PLEKHA2: variants seen among roughly 807,000 people sequenced by gnomAD.
The protein encoded by PLEKHA2 is pleckstrin homology domain containing A2, also known as pleckstrin homology domain-containing family A member 2.
PLEKHA2 carries 28 observed loss-of-function variants against 53.2 expected under a neutral mutation model. The ratio of observed to expected loss-of-function variants is 0.53; its 90% CI spans 0.39 to 0.72. The LOEUF (loss-of-function observed/expected upper bound fraction) is 0.72, where lower values mean the gene tolerates loss of function less well. PLEKHA2 is among the 30% of genes least tolerant of loss of function. The pLI is 0.00. For missense variants in PLEKHA2, 426 were observed against 537.9 expected (o/e 0.79, Z 2.06); for synonymous variants, 193 against 196.4 (o/e 0.98, Z 0.14).
intron 8 of PLEKHA2, 102 bp downstream of exon 8, chr8:38,952,806 CAA>C (rs1044318056): frequency 8.6e-7 from 1 of 1,164,510 alleles, no homozygotes; most frequent in African/African-American, 1.5e-5. Context: ...TGTGGGCACA[CAA>C]AGACTTCAAA....
intron 3 of PLEKHA2, among the ~76,000 whole-genome samples, chr8:38,936,468 T>G (rs999163053): frequency 6.6e-6 from 1 of 152,212 alleles, no homozygotes; most frequent in Admixed American, 6.5e-5. Context: ...ACAAAAAATA[T>G]TGGGGCTTCA....
At chr8:38,934,161 T>A (rs1006581856) in intron 2 of PLEKHA2, among the ~76,000 whole-genome samples, 1 of 151,950 alleles carries the variant, frequency 6.6e-6, no homozygotes, top group Admixed American at 6.6e-5. Context: ...GAAGAAAATA[T>A]ATATATATAT....
rs1186908140 is a variant in PLEKHA2, at chr8:38,950,832, T to C, written c.346-18T>C. The C allele has an allele frequency of 6.2e-7, 1 of 1,608,110 alleles. No homozygotes were observed. Among genetic ancestry groups the C allele is most frequent in the Non-Finnish European group, 8.5e-7 (1 of 1,175,852 alleles). ...AAATGTTCTGTTCCCCATTGATTGT[T>C]GCTGCCGCTCACCCCAGGTTCCCAA... On this transcript the variant is annotated intron_variant, in intron 5 of 11. Transcript: ENST00000617275.
rs1030501905 is a variant in PLEKHA2, at chr8:38,933,016, A to C, written c.142-2978A>C. Among the ~76,000 whole-genome samples the C allele has an allele frequency of 7.9e-5, 12 of 152,224 alleles. 1 individual carries two copies. The highest frequency in any genetic ancestry group is 7.2e-4 in the Admixed American group (11 of 15,280). ...GGGAGGCCAGGACAGAGGGTGGAGC[A>C]GCCCTTGAGGGGCAGAGGGGATGAA... On this transcript the variant is annotated intron_variant, in intron 2 of 11. Coordinates refer to ENST00000617275, the MANE Select transcript of PLEKHA2 (RefSeq NM_021623.2).
chr8:38,917,620 G>T (rs1447095104), intron 1 of PLEKHA2, among the ~76,000 whole-genome samples: 1 of 152,192 alleles, frequency 6.6e-6, no homozygotes, highest in Non-Finnish European at 1.5e-5. Context: ...GAATTTGAAT[G>T]CAGGCCCCTG....
At chr8:38,929,041 A>G (rs957840609) in intron 2 of PLEKHA2, among the ~76,000 whole-genome samples, 25 of 152,262 alleles carry the variant, frequency 1.6e-4, no homozygotes, top group African/African-American at 4.8e-4. Flanking sequence ...CCTACATTCA[A>G]ATGTCTACTC....
In PLEKHA2 at chr8:38,918,242, G is replaced by A. The variant is rs1281167704; in HGVS notation, c.141+172G>A. 4.3e-5 allele frequency among the ~76,000 whole-genome samples: 6 copies of A among 138,782 alleles called. No individual in the cohort carries two copies. The South Asian group carries it at 7.0e-4, about 16-fold the overall frequency. The allele number at this position is 138,782 out of a possible 152,430, so 91.0% of individuals were successfully genotyped here. ...GACACACACACAAATGCACATTCAC[G>A]TGCACACACACCACACACACCCCAT... On this transcript the variant is annotated intron_variant, in intron 2 of 11. Coordinates refer to ENST00000617275, the MANE Select transcript of PLEKHA2 (RefSeq NM_021623.2).
intron 3 of PLEKHA2, among the ~76,000 whole-genome samples, chr8:38,943,000 GCGAGCAGCCTGCTGCTT>G (rs1172272583): frequency 6.6e-6 from 1 of 152,188 alleles, no homozygotes; most frequent in Non-Finnish European, 1.5e-5. Context: ...TCTGAGGGCA[GCGAGCAGCCTGCTGCTT>G]CATCTCTCTG....
intron 2 of PLEKHA2, among the ~76,000 whole-genome samples, chr8:38,932,765 T>G (rs1834417157): frequency 6.6e-6 from 1 of 152,186 alleles, no homozygotes; most frequent in African/African-American, 2.4e-5. Flanking sequence ...CTCCCATGTC[T>G]CCCATTTCCC....
chr8:38,906,703 C>T (rs1588230916), intron 1 of PLEKHA2, among the ~76,000 whole-genome samples: 1 of 152,202 alleles, frequency 6.6e-6, no homozygotes, highest in Non-Finnish European at 1.5e-5. Context: ...GTGGAGGCTT[C>T]CACACTTCCT....
chr8:38,968,493 T>C, intron 10 of PLEKHA2, 99 bp from the exon 11 acceptor site: 1 of 1,146,510 alleles, frequency 8.7e-7, no homozygotes, highest in South Asian at 1.3e-5. Context: ...TTTCTACCCC[T>C]AATGGTGTAA....
At chr8:38,955,263 C>T (rs772302160) in intron 9 of PLEKHA2, among the ~76,000 whole-genome samples, 14 of 152,146 alleles carry the variant, frequency 9.2e-5, no homozygotes, top group Non-Finnish European at 1.9e-4. Context: ...GATTTCCCAC[C>T]TGCTTTTCTT....
At chr8:38,934,948 T>A (rs1188699351) in intron 2 of PLEKHA2, among the ~76,000 whole-genome samples, 3 of 152,128 alleles carry the variant, frequency 2.0e-5, no homozygotes, top group African/African-American at 7.2e-5. Context: ...CTATAACAGC[T>A]CACACTTGCT....
At chr8:38,925,847 A>G (rs935458432) in intron 2 of PLEKHA2, among the ~76,000 whole-genome samples, 3 of 152,228 alleles carry the variant, frequency 2.0e-5, no homozygotes, top group Admixed American at 6.5e-5. Flanking sequence ...AAAACGTGAA[A>G]TTTTCCTAAG....
In PLEKHA2 at chr8:38,950,360, G is replaced by A. The variant is rs144455920; in HGVS notation, c.346-490G>A. On this transcript the variant is annotated intron_variant, in intron 5 of 11. Transcript: ENST00000617275. Reference sequence around the variant, plus strand: ...CCATCTCCTGCTTACCCTCCAGGTTGCCGTTTGAGTGTCTCCCTGCCTTCT... The same window carrying A: ...CCATCTCCTGCTTACCCTCCAGGTTACCGTTTGAGTGTCTCCCTGCCTTCT... Among the ~76,000 whole-genome samples the A allele has an allele frequency of 9.9e-5, 15 of 152,268 alleles. No individual in the cohort carries two copies. The East Asian group carries it at 2.1e-3, about 22-fold the overall frequency.
rs1834217704 is a variant in PLEKHA2, at chr8:38,922,885, G to A, written c.141+4815G>A. Among the ~76,000 whole-genome samples the A allele has an allele frequency of 6.6e-6, 1 of 152,168 alleles. No individual in the cohort carries two copies. Among genetic ancestry groups the A allele is most frequent in the Admixed American group, 6.5e-5 (1 of 15,272 alleles). ...TGTGCAGGTGGTAAATGCAGCGCTG[G>A]AGCCAGGTCCATCGACTCAAGTGTG... On this transcript the variant is annotated intron_variant, in intron 2 of 11. Coordinates refer to ENST00000617275, the MANE Select transcript of PLEKHA2 (RefSeq NM_021623.2). The surrounding 1 kb of genome is among the most constrained non-coding windows in gnomAD (Gnocchi z 4.0).
chr8:38,902,988 G>C (rs548314862), intron 1 of PLEKHA2, among the ~76,000 whole-genome samples: 1 of 152,312 alleles, frequency 6.6e-6, no homozygotes, highest in African/African-American at 2.4e-5. Flanking sequence ...CAGAGGTCTA[G>C]CTTGTAGTCT....
intron 1 of PLEKHA2, among the ~76,000 whole-genome samples, chr8:38,917,430 C>T (rs116029414): frequency 1.0e-3 from 159 of 152,324 alleles, no homozygotes; most frequent in African/African-American, 3.6e-3. Flanking sequence ...TTGCGAGCCA[C>T]TTCACAAGGT....
chr8:38,905,186 G>A (rs1038347856), intron 1 of PLEKHA2, among the ~76,000 whole-genome samples: 8 of 152,100 alleles, frequency 5.3e-5, no homozygotes, highest in African/African-American at 1.2e-4. Flanking sequence ...GCTGGATGCC[G>A]TGGCTCATCT....
Sources: allele counts gnomAD v4.1 joint callset (sites outside exome capture counted in the v4.1 genomes callset), GRCh38; gene constraint gnomAD v4.1.1; non-coding constraint Gnocchi (gnomAD v3.1); transcripts MANE v1.5; gene names NCBI Gene and HGNC (gene_info 2026-07-23, HGNC 2026-07-21).